Variants in ACSS3 observed in about 807,000 individuals in gnomAD.
ACSS3 encodes the protein acyl-CoA synthetase short chain family member 3.
Under a neutral mutation model 84.2 loss-of-function variants are expected in ACSS3, and 64 were observed. That is an observed-to-expected ratio of 0.76 (90% confidence interval 0.62 to 0.94). The LOEUF (loss-of-function observed/expected upper bound fraction) is 0.94, where lower values mean the gene tolerates loss of function less well. Ranked by LOEUF, ACSS3 falls within the 40% of genes least tolerant of loss-of-function variation. The pLI is 0.00. For missense variants in ACSS3, 815 were observed against 867.6 expected (o/e 0.94, Z 0.76); for synonymous variants, 317 against 310.1 (o/e 1.02, Z -0.23).
chr12:81,230,708 T>C (rs560610135), intron 11 of ACSS3, among the ~76,000 whole-genome samples: 30 of 151,994 alleles, frequency 2.0e-4, no homozygotes, highest in African/African-American at 7.0e-4. Context: ...AATGGTGAAA[T>C]AATAGTTTTC....
At chr12:81,217,810 C>T (rs1248814056) in intron 10 of ACSS3, among the ~76,000 whole-genome samples, 2 of 151,750 alleles carry the variant, frequency 1.3e-5, no homozygotes, top group Admixed American at 1.3e-4. Context: ...GCCACTCCAG[C>T]CTAGGCAACA....
At chr12:81,233,112 T>G (rs1460960669) in intron 12 of ACSS3, among the ~76,000 whole-genome samples, 1 of 151,790 alleles carries the variant, frequency 6.6e-6, no homozygotes, top group Admixed American at 6.6e-5. Context: ...CAACTCTATA[T>G]TCAAACACTT....
Position 81,078,088 on chromosome 12 carries a change from C to A in ACSS3, c.-33C>A. On this transcript the variant is annotated 5_prime_UTR_variant, in exon 1 of 16. Transcript: ENST00000548058. ...AGGAAGTTGCAAGAGTACCATTTGTCGCACACTCGGGGACCGCGGGTGGCC... is the reference window on the plus strand; with the variant it reads ...AGGAAGTTGCAAGAGTACCATTTGTAGCACACTCGGGGACCGCGGGTGGCC... 1 of 1,450,448 alleles carries A rather than the reference C, an allele frequency of 6.9e-7. No individual in the cohort carries two copies. The highest frequency in any genetic ancestry group is 9.1e-7 in the Non-Finnish European group (1 of 1,102,796). 89.8% of individuals were successfully genotyped at this position (1,450,448 alleles called of 1,614,324 possible). A position where few individuals can be genotyped will look rare whatever the true frequency, so the allele number is the denominator to read the frequency against.
intron 8 of ACSS3, 62 bp downstream of exon 8, chr12:81,175,001 CATT>C: frequency 6.4e-7 from 1 of 1,551,182 alleles, no homozygotes; most frequent in Non-Finnish European, 8.8e-7. Context: ...AATAAGTGAA[CATT>C]ATTTTTTTTC....
At chr12:81,135,074 T>A in intron 3 of ACSS3, 70 bp downstream of exon 3, 1 of 1,335,018 alleles carries the variant, frequency 7.5e-7, no homozygotes, top group Non-Finnish European at 1.0e-6. Flanking sequence ...TGTGGATGAA[T>A]CATCTGAGAA....
At chr12:81,110,303 C>A (rs1883471164) in intron 2 of ACSS3, among the ~76,000 whole-genome samples, 1 of 152,098 alleles carries the variant, frequency 6.6e-6, no homozygotes, top group Non-Finnish European at 1.5e-5. Flanking sequence ...CTTGTTATTG[C>A]CTTAGATACT....
intron 9 of ACSS3, among the ~76,000 whole-genome samples, chr12:81,209,663 G>A (rs1475632701): frequency 2.0e-5 from 3 of 152,134 alleles, no homozygotes; most frequent in African/African-American, 7.2e-5. Flanking sequence ...TATTAGGAAA[G>A]TAAAGGAAAA....
chr12:81,187,022 G>A (rs1350674113), intron 8 of ACSS3, among the ~76,000 whole-genome samples: 3 of 151,738 alleles, frequency 2.0e-5, no homozygotes, highest in South Asian at 2.1e-4. Flanking sequence ...ATACCATTTC[G>A]TTCTAAAAAA....
At chr12:81,189,884 T>C (rs2031477690) in intron 8 of ACSS3, among the ~76,000 whole-genome samples, 1 of 152,128 alleles carries the variant, frequency 6.6e-6, no homozygotes, top group Non-Finnish European at 1.5e-5. Flanking sequence ...AGTTTTATTT[T>C]TTTCCTTATG....
chr12:81,217,496 A>G (rs1014334251), intron 10 of ACSS3, among the ~76,000 whole-genome samples: 8 of 152,192 alleles, frequency 5.3e-5, no homozygotes, highest in Non-Finnish European at 1.0e-4. Context: ...TATATTACAC[A>G]TGCTGCATTT....
At position 81,131,217 on chromosome 12, in the gene ACSS3, C is replaced by G. The variant is rs542540545; in HGVS notation, c.457-3599C>G. ...CAATAAATCTATAAATTACCTTGGG[C>G]AGTATGGCCATTTTCACAATATTAA... On this transcript the variant is annotated intron_variant, in intron 2 of 15. Coordinates refer to ENST00000548058, the MANE Select transcript of ACSS3 (RefSeq NM_024560.4). 5.7e-4 allele frequency among the ~76,000 whole-genome samples: 87 copies of G among 152,244 alleles called. 1 individual carries two copies. The highest frequency in any genetic ancestry group is 2.0e-3 in the African/African-American group (83 of 41,532).
intron 1 of ACSS3, among the ~76,000 whole-genome samples, chr12:81,105,192 G>A (rs1020585852): frequency 3.9e-5 from 6 of 152,070 alleles, no homozygotes; most frequent in African/African-American, 1.2e-4. Flanking sequence ...ATTTTAAAGC[G>A]GCCATCATAA....
At chr12:81,207,532 A>G (rs2032398992) in intron 9 of ACSS3, among the ~76,000 whole-genome samples, 2 of 152,162 alleles carry the variant, frequency 1.3e-5, no homozygotes, top group Admixed American at 1.3e-4. Flanking sequence ...AACAACCTAG[A>G]AGAATTCCTG....
Position 81,144,996 on chromosome 12 carries a change from G to A in ACSS3, c.921+1749G>A, listed in dbSNP as rs530105572. On this transcript the variant is annotated intron_variant, in intron 5 of 15. Coordinates refer to ENST00000548058, the MANE Select transcript of ACSS3 (RefSeq NM_024560.4). ...GCTCACTGCAAGCTCCACCTCCCGG[G>A]TTCACGCCATTCTCGTGCCTTAGCC... is the stretch of plus-strand genomic sequence containing the variant. Among the ~76,000 whole-genome samples the A allele has an allele frequency of 5.4e-4, 81 of 149,218 alleles. 2 individuals carry two copies. Among genetic ancestry groups the A allele is most frequent in the African/African-American group, 1.9e-3 (78 of 40,632 alleles).
intron 8 of ACSS3, among the ~76,000 whole-genome samples, chr12:81,184,474 TA>T (rs2031133745): frequency 6.6e-6 from 1 of 151,452 alleles, no homozygotes; most frequent in African/African-American, 2.4e-5. Context: ...AGAAAAACCA[TA>T]AAAATAATTA....
Position 81,258,860 on chromosome 12 carries a change from ATC to A in ACSS3, c.*3940_*3941del, listed in dbSNP as rs1404133106. ...TGGTTCTTAGTAAAGAAGTTTTTTT[ATC>A]TTTTTTTTTTTCTTGGTCCACAGGT... is the stretch of plus-strand genomic sequence containing the variant. On this transcript the variant is annotated 3_prime_UTR_variant, in exon 16 of 16. Transcript: ENST00000548058. The A allele has an allele frequency of 6.7e-6, 1 of 149,762 alleles. No individual in the cohort carries two copies. Among genetic ancestry groups the A allele is most frequent in the African/African-American group, 2.5e-5 (1 of 39,862 alleles). The allele number at this position is 149,762 out of a possible 1,614,324, so 9.3% of individuals were successfully genotyped here.
At chr12:81,189,373 A>C (rs561484722) in intron 8 of ACSS3, among the ~76,000 whole-genome samples, 1 of 152,284 alleles carries the variant, frequency 6.6e-6, no homozygotes, top group African/African-American at 2.4e-5. Flanking sequence ...TGATATTTTC[A>C]GTATTTTAAA....
chr12:81,191,329 C>A (rs1748889557), intron 8 of ACSS3, among the ~76,000 whole-genome samples: 1 of 151,908 alleles, frequency 6.6e-6, no homozygotes, highest in Non-Finnish European at 1.5e-5. Context: ...CCTGTTATCC[C>A]CCTCTTCCTT....
chr12:81,091,372 T>C (rs1374026170), intron 1 of ACSS3, among the ~76,000 whole-genome samples: 1 of 151,978 alleles, frequency 6.6e-6, no homozygotes, highest in Non-Finnish European at 1.5e-5. Flanking sequence ...TTTAATATAT[T>C]AGAGTAAAAG....
Sources: allele counts gnomAD v4.1 joint callset (sites outside exome capture counted in the v4.1 genomes callset), GRCh38; gene constraint gnomAD v4.1.1; transcripts MANE v1.5; gene names NCBI Gene and HGNC (gene_info 2026-07-23, HGNC 2026-07-21).